DPP10: variants seen among roughly 807,000 people sequenced by gnomAD.
DPP10 encodes the protein dipeptidyl peptidase like 10, also known as inactive dipeptidyl peptidase 10.
Under a neutral mutation model 120.9 loss-of-function variants are expected in DPP10, and 33 were observed. The ratio of observed to expected loss-of-function variants is 0.27; its 90% CI spans 0.21 to 0.37. The LOEUF is 0.37. Ranked by LOEUF, DPP10 falls within the 10% of genes least tolerant of loss-of-function variation. The pLI is 1.00. For missense variants in DPP10, 816 were observed against 942.8 expected (o/e 0.87, Z 1.76); for synonymous variants, 337 against 326.1 (o/e 1.03, Z -0.36).
At chr2:115,219,618 CAT>C (rs2057031167) in intron 1 of DPP10, among the ~76,000 whole-genome samples, 1 of 152,102 alleles carries the variant, frequency 6.6e-6, no homozygotes, top group African/African-American at 2.4e-5. Flanking sequence ...TTGTGCATAA[CAT>C]AGAGATATTT....
chr2:115,093,226 A>T (rs935969279), intron 1 of DPP10, among the ~76,000 whole-genome samples: 2 of 152,152 alleles, frequency 1.3e-5, no homozygotes, highest in Admixed American at 6.6e-5. Context: ...AAGTTAAAAG[A>T]TATGTAATAT....
intron 5 of DPP10, among the ~76,000 whole-genome samples, chr2:115,591,508 G>A (rs982144073): frequency 5.3e-5 from 8 of 152,122 alleles, no homozygotes; most frequent in Admixed American, 2.6e-4. Flanking sequence ...TGTTGCATTG[G>A]TCTATATCTC....
chr2:114,915,327 G>A (rs1407531459), intron 1 of DPP10, among the ~76,000 whole-genome samples: 1 of 152,088 alleles, frequency 6.6e-6, no homozygotes, highest in Non-Finnish European at 1.5e-5. Flanking sequence ...CTAAATATTT[G>A]GGTACCCAGC....
chr2:114,469,664 G>T (rs1348851341), intron 1 of DPP10, among the ~76,000 whole-genome samples: 1 of 152,142 alleles, frequency 6.6e-6, no homozygotes, highest in African/African-American at 2.4e-5. Context: ...GGAGGCCAAG[G>T]TTGCAGTGAG....
At chr2:114,862,248 A>T (rs1247575185) in intron 1 of DPP10, among the ~76,000 whole-genome samples, 1 of 144,854 alleles carries the variant, frequency 6.9e-6, no homozygotes, top group Non-Finnish European at 1.5e-5. Flanking sequence ...CCATCTGGAA[A>T]GCCATCACAT....
chr2:114,830,633 G>A (rs1410041107), intron 1 of DPP10, among the ~76,000 whole-genome samples: 2 of 152,062 alleles, frequency 1.3e-5, no homozygotes, highest in Non-Finnish European at 2.9e-5. Flanking sequence ...TTTTCAAATC[G>A]AAGCAGATAT....
chr2:115,821,816 T>C (rs1164123011), intron 21 of DPP10, among the ~76,000 whole-genome samples: 2 of 152,052 alleles, frequency 1.3e-5, no homozygotes, highest in African/African-American at 2.4e-5. Context: ...TTTAGTTTTG[T>C]GTATAGTTAT....
At chr2:114,720,812 T>C (rs1212037924) in intron 1 of DPP10, among the ~76,000 whole-genome samples, 1 of 152,190 alleles carries the variant, frequency 6.6e-6, no homozygotes, top group Non-Finnish European at 1.5e-5. Context: ...GCAGAACTTA[T>C]ACATGTCATT....
intron 1 of DPP10, among the ~76,000 whole-genome samples, chr2:115,283,201 A>T (rs1005469033): frequency 3.3e-5 from 5 of 152,040 alleles, no homozygotes; most frequent in African/African-American, 1.2e-4. Flanking sequence ...GAGCTGATGC[A>T]TATCACTCAA....
chr2:114,869,681 A>G (rs1690531896), intron 1 of DPP10, among the ~76,000 whole-genome samples: 1 of 152,170 alleles, frequency 6.6e-6, no homozygotes, highest in Non-Finnish European at 1.5e-5. Flanking sequence ...GTTCCTCCCT[A>G]TCTCAGGGCA....
intron 21 of DPP10, among the ~76,000 whole-genome samples, chr2:115,828,862 T>G (rs1005815682): frequency 2.0e-5 from 3 of 152,134 alleles, no homozygotes; most frequent in Non-Finnish European, 4.4e-5. Flanking sequence ...TCTTTTTGGA[T>G]TGTCCATTTA....
intron 3 of DPP10, among the ~76,000 whole-genome samples, chr2:115,380,932 T>C (rs1355781881): frequency 1.3e-5 from 2 of 152,230 alleles, no homozygotes; most frequent in Non-Finnish European, 2.9e-5. Flanking sequence ...GCTGTTAGTC[T>C]GATGGGCTTC....
At chr2:114,998,992 A>G (rs1012477684) in intron 1 of DPP10, among the ~76,000 whole-genome samples, 6 of 152,154 alleles carry the variant, frequency 3.9e-5, no homozygotes, top group Non-Finnish European at 7.4e-5. Flanking sequence ...CCATCTCAAT[A>G]TCATGTATTC....
At chr2:115,363,192 G>A (rs2064886098) in intron 3 of DPP10, among the ~76,000 whole-genome samples, 1 of 152,136 alleles carries the variant, frequency 6.6e-6, no homozygotes, top group Non-Finnish European at 1.5e-5. Flanking sequence ...GAATTTGAAT[G>A]TTCTCTGGGT....
intron 1 of DPP10, among the ~76,000 whole-genome samples, chr2:114,752,527 C>CT (rs1679333005): frequency 6.6e-6 from 1 of 152,176 alleles, no homozygotes; most frequent in African/African-American, 2.4e-5. Context: ...CTGCCTATAG[C>CT]TGTACAGTAA....
chr2:115,562,296 T>A (rs1388287085), intron 5 of DPP10, among the ~76,000 whole-genome samples: 2 of 152,204 alleles, frequency 1.3e-5, no homozygotes, highest in East Asian at 3.9e-4. Context: ...GCCTCTATTC[T>A]AGTCACCTTC....
chr2:115,439,701 T>A (rs949198009), intron 3 of DPP10, among the ~76,000 whole-genome samples: 1 of 152,208 alleles, frequency 6.6e-6, no homozygotes, highest in Non-Finnish European at 1.5e-5. Flanking sequence ...ACAAATAAAA[T>A]TCTTATCTCT....
At chr2:114,586,486 C>T (rs1287723764) in intron 1 of DPP10, among the ~76,000 whole-genome samples, 2 of 152,108 alleles carry the variant, frequency 1.3e-5, no homozygotes, top group African/African-American at 4.8e-5. Flanking sequence ...TAAACTAGTA[C>T]CAGCACATAA....
intron 1 of DPP10, among the ~76,000 whole-genome samples, chr2:114,692,237 T>C (rs746311716): frequency 3.3e-5 from 5 of 152,120 alleles, no homozygotes. Flanking sequence ...TTAAGTTCCC[T>C]CTTAACACTG....
Sources: allele counts gnomAD v4.1 joint callset (sites outside exome capture counted in the v4.1 genomes callset), GRCh38; gene constraint gnomAD v4.1.1; transcripts MANE v1.5; gene names NCBI Gene and HGNC (gene_info 2026-07-23, HGNC 2026-07-21).